Variants in KLHL5 observed in about 807,000 individuals in gnomAD.
KLHL5 encodes kelch like family member 5, also known as kelch-like protein 5.
A neutral mutation model predicts 77.7 loss-of-function variants in KLHL5; 48 were observed. That is an observed-to-expected ratio of 0.62 (90% confidence interval 0.49 to 0.79). The LOEUF (loss-of-function observed/expected upper bound fraction) is 0.79. Among genes scored for constraint, KLHL5 ranks in the 30% least tolerant of loss-of-function variants. The pLI is 0.00. For synonymous variants in KLHL5, 260 were observed against 297.0 expected (o/e 0.88, Z 1.28); for missense variants, 723 against 859.7 (o/e 0.84, Z 1.99).
At chr4:39,090,032 T>C (rs1359504890) in intron 5 of KLHL5, among the ~76,000 whole-genome samples, 8 of 152,340 alleles carry the variant, frequency 5.3e-5, no homozygotes, top group African/African-American at 1.9e-4. Flanking sequence ...CAAAAGTGAA[T>C]GGCAAGATTG....
chr4:39,093,705 A>G (rs936780782), intron 5 of KLHL5, among the ~76,000 whole-genome samples: 1 of 152,190 alleles, frequency 6.6e-6, no homozygotes, highest in Non-Finnish European at 1.5e-5. Context: ...CAGGAGCTCA[A>G]GACCAGCCTA....
chr4:39,075,913 C>A (rs771921256), intron 1 of KLHL5, 52 bp from the exon 2 acceptor site: 1 of 1,476,600 alleles, frequency 6.8e-7, no homozygotes, highest in Non-Finnish European at 9.3e-7. Context: ...TAGGAAAGAT[C>A]TTTTTAATGT....
At chr4:39,073,676 ACT>A (rs1718708218) in intron 1 of KLHL5, among the ~76,000 whole-genome samples, 1 of 151,778 alleles carries the variant, frequency 6.6e-6, no homozygotes, top group African/African-American at 2.4e-5. Flanking sequence ...ATGGAGTCTC[ACT>A]CTGTCGCCCA....
intron 4 of KLHL5, among the ~76,000 whole-genome samples, chr4:39,085,925 T>C (rs1046905524): frequency 2.6e-5 from 4 of 152,146 alleles, no homozygotes; most frequent in Admixed American, 6.5e-5. Context: ...CTTATAAATA[T>C]CATTAAAACG....
chr4:39,115,010 G>A, intron 9 of KLHL5, 149 bp from the exon 10 acceptor site: 2 of 711,838 alleles, frequency 2.8e-6, no homozygotes, highest in Non-Finnish European at 4.5e-6. Context: ...AGTTTTCAGA[G>A]AAATACTGAT....
At chr4:39,105,680 T>C (rs1400323650) in intron 7 of KLHL5, among the ~76,000 whole-genome samples, 2 of 151,548 alleles carry the variant, frequency 1.3e-5, no homozygotes, top group Non-Finnish European at 2.9e-5. Context: ...TGCACATATA[T>C]ACATATAAAT....
chr4:39,045,441 C>T (rs569304109), intron 1 of KLHL5, among the ~76,000 whole-genome samples: 135 of 151,970 alleles, frequency 8.9e-4, no homozygotes, highest in African/African-American at 3.1e-3. Context: ...CCCGTTGCTG[C>T]TTTCCCGGAC....
In KLHL5 at chr4:39,085,231, A is replaced by C. The variant is rs1417984382; in HGVS notation, c.901-1284A>C. 2.0e-5 allele frequency among the ~76,000 whole-genome samples: 3 copies of C among 152,302 alleles called. No homozygotes were observed. The East Asian group carries it at 5.8e-4, about 29-fold the overall frequency. On this transcript the variant is annotated intron_variant, in intron 4 of 10. Transcript: ENST00000504108. ...AAATAGACTCATTTAGACATCCTTG[A>C]ACAAATCATGATAAATTGAAGCAAT...
intron 5 of KLHL5, among the ~76,000 whole-genome samples, chr4:39,094,207 T>TTAACCAAAA (rs1720852125): frequency 6.6e-6 from 1 of 151,980 alleles, no homozygotes; most frequent in African/African-American, 2.4e-5. Context: ...GGTAAAGTAA[T>TTAACCAAAA]AGGTTAATAC....
At chr4:39,117,762 C>G (rs1722941691) in intron 10 of KLHL5, among the ~76,000 whole-genome samples, 1 of 152,056 alleles carries the variant, frequency 6.6e-6, no homozygotes, top group Non-Finnish European at 1.5e-5. Context: ...GAAGCAGAAG[C>G]CAGCACACAG....
At chr4:39,068,844 T>G (rs989466371) in intron 1 of KLHL5, among the ~76,000 whole-genome samples, 2 of 152,238 alleles carry the variant, frequency 1.3e-5, no homozygotes, top group African/African-American at 4.8e-5. Flanking sequence ...ACACACCTCA[T>G]AGTTAACTAC....
intron 9 of KLHL5, 140 bp downstream of exon 9, chr4:39,113,372 G>T: frequency 1.5e-6 from 1 of 652,634 alleles, no homozygotes; most frequent in Non-Finnish European, 2.6e-6. Flanking sequence ...CTTTATAACA[G>T]CCTGCTCTCA....
intron 7 of KLHL5, among the ~76,000 whole-genome samples, chr4:39,106,753 C>T (rs1412927408): frequency 6.6e-6 from 1 of 152,110 alleles, no homozygotes; most frequent in African/African-American, 2.4e-5. Context: ...AAAATATTGC[C>T]TCTAAAACTT....
At chr4:39,128,890 TG>T (rs1723681697), downstream of KLHL5, among the ~76,000 whole-genome samples, 1 of 152,120 alleles carries the variant, frequency 6.6e-6, no homozygotes, top group African/African-American at 2.4e-5. Context: ...TGCCTGAGCC[TG>T]GGAGGCCAAG....
intron 7 of KLHL5, among the ~76,000 whole-genome samples, chr4:39,105,305 C>G (rs1721937370): frequency 6.6e-6 from 1 of 151,906 alleles, no homozygotes; most frequent in African/African-American, 2.4e-5. Flanking sequence ...CACCATCACA[C>G]CTGGCTAATT....
chr4:39,138,318 C>T, the KLHL5 span, among the ~76,000 whole-genome samples: 1 of 152,162 alleles, frequency 6.6e-6, no homozygotes, highest in African/African-American at 2.4e-5. Context: ...TTCATCGCAG[C>T]ACTATTCACA....
In KLHL5 at chr4:39,062,439, G is replaced by A. The variant is rs1717501884; in HGVS notation, c.-214G>A. The A allele has an allele frequency of 5.9e-6, 9 of 1,527,394 alleles. No homozygotes were observed. The highest frequency in any genetic ancestry group is 2.4e-4 in the Middle Eastern group (1 of 4,168). 94.6% of individuals were successfully genotyped at this position (1,527,394 alleles called of 1,614,324 possible). A position where few individuals can be genotyped will look rare whatever the true frequency, so the allele number is the denominator to read the frequency against. On this transcript the variant is annotated 5_prime_UTR_variant, in exon 1 of 11. The change creates a new upstream start codon in the 5' untranslated region. Coordinates refer to ENST00000504108, the MANE Select transcript of KLHL5 (RefSeq NM_015990.5). ...CTCTGATTGAACGGAATGTTCCACC[G>A]TGTTTCATCTTTATTCATTATCCTT...
At chr4:39,076,272 C>T in intron 2 of KLHL5, 125 bp downstream of exon 2, 1 of 803,702 alleles carries the variant, frequency 1.2e-6, no homozygotes. Context: ...ATGGAATTTC[C>T]ATCAAGAAAA....
rs574419939 is a variant in KLHL5 at position 39,125,037 on chromosome 4, T to C, written c.*3971T>C. On this transcript the variant is annotated 3_prime_UTR_variant, in exon 11 of 11. Coordinates refer to ENST00000504108, the MANE Select transcript of KLHL5 (RefSeq NM_015990.5). ...AATAGACATTTCTCTAATGAAGATATACAAATGGCCGACAAGCACATGGAA... is the reference window on the plus strand; with the variant it reads ...AATAGACATTTCTCTAATGAAGATACACAAATGGCCGACAAGCACATGGAA... Among the ~76,000 whole-genome samples, 1 of 152,152 alleles carries C rather than the reference T, an allele frequency of 6.6e-6. No individual in the cohort carries two copies. Among genetic ancestry groups the C allele is most frequent in the Non-Finnish European group, 1.5e-5 (1 of 68,000 alleles).
Sources: gnomAD v4.1 joint callset for allele counts (sites outside exome capture counted in the v4.1 genomes callset) on GRCh38, gnomAD v4.1.1 for gene constraint, MANE v1.5 for transcripts, NCBI Gene and HGNC (gene_info 2026-07-23, HGNC 2026-07-21) for gene names.